The following ACO1 variants were observed in gnomAD, a reference collection of about 807,000 sequenced individuals.
The protein encoded by ACO1 is cytoplasmic aconitate hydratase.
ACO1 carries 78 observed loss-of-function variants against 105.1 expected under a neutral mutation model. The ratio of observed to expected loss-of-function variants is 0.74; its 90% CI spans 0.62 to 0.90. ACO1 has a LOEUF of 0.90. Ranked by LOEUF, ACO1 falls within the 40% of genes least tolerant of loss-of-function variation. ACO1 has a pLI of 0.00. For missense variants in ACO1, 965 were observed against 1,111.1 expected, an observed-to-expected ratio of 0.87 and a Z score of 1.87; for synonymous variants, 364 against 397.4, an observed-to-expected ratio of 0.92 and a Z score of 1.00.
intron 1 of ACO1, among the ~76,000 whole-genome samples, chr9:32,403,072 C>T (rs113940099): frequency 0.027 from 4,036 of 152,204 alleles, 176 homozygotes; most frequent in African/African-American, 0.093. Context: ...ACTTTCCCAG[C>T]TTTAGGGGCT....
intron 19 of ACO1, among the ~76,000 whole-genome samples, chr9:32,442,456 A>T (rs1587554970): frequency 6.6e-6 from 1 of 152,188 alleles, no homozygotes; most frequent in African/African-American, 2.4e-5. Context: ...TTAATTATTA[A>T]TAATAAACTA....
At chr9:32,422,956 G>T (rs775257556) in intron 8 of ACO1, among the ~76,000 whole-genome samples, 3 of 152,210 alleles carry the variant, frequency 2.0e-5, no homozygotes, top group Non-Finnish European at 4.4e-5. Flanking sequence ...CTGAATCTTT[G>T]TGGCCAGTTG....
rs1027835269 is a variant in ACO1 at position 32,450,523 on chromosome 9, G to C, written c.*412G>C. On this transcript the variant is annotated 3_prime_UTR_variant, in exon 21 of 21. Coordinates refer to ENST00000309951, the MANE Select transcript of ACO1 (RefSeq NM_002197.3). The stretch of plus-strand genomic sequence containing the variant: ...CTCTGCTCAATGAAACCTTCCTCTT[G>C]AGGGTCATTTTCCTTTCTGTATTAA... 3.5e-6 allele frequency: 1 copy of C among 282,290 alleles called. No homozygotes were observed. Among genetic ancestry groups the C allele is most frequent in the Non-Finnish European group, 6.9e-6 (1 of 144,418 alleles). The allele number at this position is 282,290 out of a possible 1,614,324, so 17.5% of individuals were successfully genotyped here. A position where few individuals can be genotyped will look rare whatever the true frequency, so the allele number is the denominator to read the frequency against.
chr9:32,405,611 C>T lies in ACO1; in HGVS notation c.97+8C>T, dbSNP rs552946486. The stretch of plus-strand genomic sequence containing the variant: ...TGGAGGATTCAAGATATGGTAGGTA[C>T]ATGGCTGTGATAGCAATTGGAATCT... On this transcript the variant is annotated splice_region_variant and intron_variant, in intron 2 of 20. Transcript: ENST00000309951. The T allele has an allele frequency of 1.3e-5, 21 of 1,575,912 alleles. No homozygotes were observed. The South Asian group carries it at 1.9e-4, about 14-fold the overall frequency.
chr9:32,414,969 G>A (rs1294345837), intron 4 of ACO1, among the ~76,000 whole-genome samples: 1 of 152,122 alleles, frequency 6.6e-6, no homozygotes, highest in African/African-American at 2.4e-5. Context: ...AAATCATCCT[G>A]ACCTGGGGAG....
At chr9:32,428,812 C>G (rs1822159659) in intron 12 of ACO1, among the ~76,000 whole-genome samples, 1 of 152,020 alleles carries the variant, frequency 6.6e-6, no homozygotes, top group Non-Finnish European at 1.5e-5. Flanking sequence ...CCACTGCACT[C>G]CAGCCTGGGC....
rs201900147 is a variant in ACO1, at chr9:32,405,522, G to A, written c.16G>A (p.Ala6Thr). 5.5e-5 allele frequency: 89 copies of A among 1,613,390 alleles called. No individual in the cohort carries two copies. The Middle Eastern group carries it at 6.6e-4, about 12-fold the overall frequency. Reference protein sequence around the residue: MSNPFAHLAEPLDPVQ... With the variant: MSNPFTHLAEPLDPVQ... Reference sequence around the variant, plus strand: ...ATCAGTAATCATGAGCAACCCATTCGCACACCTTGCTGAGCCATTGGATCC... The same window carrying A: ...ATCAGTAATCATGAGCAACCCATTCACACACCTTGCTGAGCCATTGGATCC... Residue 6 changes from alanine to threonine, a missense_variant, in exon 2 of 21, where the codon GCA becomes ACA. By Grantham distance (58) the Ala-to-Thr change is moderately conservative. Transcript: ENST00000309951.
In ACO1 at chr9:32,451,524, T is replaced by TAA. The variant is rs1427968211; in HGVS notation, c.*1414_*1415dup. On this transcript the variant is annotated 3_prime_UTR_variant, in exon 21 of 21. Coordinates refer to ENST00000309951, the MANE Select transcript of ACO1 (RefSeq NM_002197.3). ...GGGAGGGGCATGGGGAATGCTGGTA[T>TAA]AAGTCCCAGAGTCTGAATGCCCAGG... 6.6e-6 allele frequency: 1 copy of TAA among 152,180 alleles called. No homozygotes were observed. The highest frequency in any genetic ancestry group is 2.4e-5 in the African/African-American group (1 of 41,424). 9.4% of individuals were successfully genotyped at this position (152,180 alleles called of 1,614,324 possible).
At chr9:32,418,615 A>C in intron 6 of ACO1, 104 bp downstream of exon 6, 1 of 1,340,410 alleles carries the variant, frequency 7.5e-7, no homozygotes, top group Non-Finnish European at 1.0e-6. Flanking sequence ...AGTTTCCGAG[A>C]GGTATGTTTG....
At chr9:32,411,270 A>G (rs1821733033) in intron 4 of ACO1, among the ~76,000 whole-genome samples, 1 of 152,244 alleles carries the variant, frequency 6.6e-6, no homozygotes, top group African/African-American at 2.4e-5. Context: ...ATGACTACCT[A>G]AAGTTGTCAA....
At chr9:32,405,678 G>A in intron 2 of ACO1, 75 bp downstream of exon 2, 1 of 1,132,376 alleles carries the variant, frequency 8.8e-7, no homozygotes, top group Middle Eastern at 2.1e-4. Flanking sequence ...TTACACTTGA[G>A]GAGAGTTTGA....
rs1822830349 is a variant in ACO1, at chr9:32,454,247, C to A, written c.*4136C>A. On this transcript the variant is annotated 3_prime_UTR_variant, in exon 21 of 21. Coordinates refer to ENST00000309951, the MANE Select transcript of ACO1 (RefSeq NM_002197.3). ...GCAAATGGCACAGAAACCCACCTGA[C>A]CACAGACTGCTTTCTTCTGGGCGTT... is the stretch of plus-strand genomic sequence containing the variant. 1 of 152,244 alleles carries A rather than the reference C, an allele frequency of 6.6e-6. No individual in the cohort carries two copies. The allele number at this position is 152,244 out of a possible 1,614,324, so 9.4% of individuals were successfully genotyped here.
rs982368311 is a variant in ACO1 at position 32,433,729 on chromosome 9, CTG to C, written c.1856_1857del (p.Val619GlufsTer2). 1 of 1,598,908 alleles carries C rather than the reference CTG, an allele frequency of 6.3e-7. No individual in the cohort carries two copies. The highest frequency in any genetic ancestry group is 2.2e-5 in the East Asian group (1 of 44,802). On this transcript the variant is annotated frameshift_variant and splice_region_variant, in exon 16 of 21. Coordinates refer to ENST00000309951, the MANE Select transcript of ACO1 (RefSeq NM_002197.3). LOFTEE classifies it high-confidence loss of function. ...TCTGCCTTTCTTTTCTTTTTTAAGACTGTGAATGAAAGCTGGAATGCCTTAGC... is the reference window on the plus strand; with the variant it reads ...TCTGCCTTTCTTTTCTTTTTTAAGACTGAATGAAAGCTGGAATGCCTTAGC...
intron 20 of ACO1, 53 bp from the exon 21 acceptor site, chr9:32,449,945 C>T: frequency 2.1e-6 from 3 of 1,453,080 alleles, no homozygotes; most frequent in Non-Finnish European, 1.9e-6. Context: ...TTCCTCCGAG[C>T]AGAGCTGTCT....
Position 32,446,530 on chromosome 9 carries a change from A to G in ACO1, c.2371-2366A>G, listed in dbSNP as rs548478325. Among the ~76,000 whole-genome samples, 9 of 151,814 alleles carry G rather than the reference A, an allele frequency of 5.9e-5. No individual in the cohort carries two copies. In the South Asian group the frequency reaches 1.9e-3, roughly 32 times the overall value. ...GAATGCAGCACACTGATGGGTCTTG[A>G]CTCTATCCAATTTGCCAGTCTGTGT... On this transcript the variant is annotated intron_variant, in intron 19 of 20. Transcript: ENST00000309951.
At chr9:32,407,159 A>G (rs1446991869) in intron 2 of ACO1, 102 bp from the exon 3 acceptor site, 6 of 1,056,220 alleles carry the variant, frequency 5.7e-6, no homozygotes, top group Non-Finnish European at 5.7e-6. Context: ...TTGTGGAAGA[A>G]TAGTCTGATG....
chr9:32,409,386 T>C (rs2118417927), intron 4 of ACO1, among the ~76,000 whole-genome samples: 1 of 152,346 alleles, frequency 6.6e-6, no homozygotes, highest in Non-Finnish European at 1.5e-5. Context: ...ACCTTGAAAT[T>C]ATTCTTCGAT....
In ACO1 at chr9:32,416,230, G is replaced by T. The variant is rs541375418; in HGVS notation, c.405-1898G>T. Among the ~76,000 whole-genome samples, 7 of 152,052 alleles carry T rather than the reference G, an allele frequency of 4.6e-5. No individual in the cohort carries two copies. In the East Asian group the frequency reaches 1.4e-3, roughly 29 times the overall value. On this transcript the variant is annotated intron_variant, in intron 4 of 20. Transcript: ENST00000309951. ...CTGCCTCAGCCTCTCGAGTAGCTGGGATTACAGGCGCCTGCCACCATGCCC... is the reference window on the plus strand; with the variant it reads ...CTGCCTCAGCCTCTCGAGTAGCTGGTATTACAGGCGCCTGCCACCATGCCC...
chr9:32,427,474 G>A, intron 12 of ACO1, 38 bp downstream of exon 12: 1 of 1,613,424 alleles, frequency 6.2e-7, no homozygotes, highest in Non-Finnish European at 8.5e-7. Flanking sequence ...TGCTTTTGTT[G>A]AATTGTATCC....
Sources: allele counts gnomAD v4.1 joint callset (sites outside exome capture counted in the v4.1 genomes callset), GRCh38; gene constraint gnomAD v4.1.1; transcripts MANE v1.5; gene names NCBI Gene and HGNC (gene_info 2026-07-23, HGNC 2026-07-21).